Variants in PLD5 observed in about 807,000 individuals in gnomAD.
PLD5 encodes the protein phospholipase D family member 5.
PLD5 carries 36 observed loss-of-function variants against 61.1 expected under a neutral mutation model. The observed-to-expected ratio is 0.59, with a 90% CI of 0.45 to 0.78. The LOEUF (loss-of-function observed/expected upper bound fraction) is 0.78. Ranked by LOEUF, PLD5 falls within the 30% of genes least tolerant of loss-of-function variation. The pLI, the probability that PLD5 is intolerant of heterozygous loss-of-function variation, is 0.00. For synonymous variants in PLD5, 243 were observed against 242.8 expected (o/e 1.00, Z -0.01); for missense variants, 515 against 644.4 (o/e 0.80, Z 2.17).
intron 1 of PLD5, among the ~76,000 whole-genome samples, chr1:242,517,617 T>A (rs2654900): frequency 0.38 from 57,119 of 151,998 alleles, 10,962 homozygotes; most frequent in African/African-American, 0.41. Context: ...CTAAACAACC[T>A]GTCCCTTGAA....
intron 2 of PLD5, among the ~76,000 whole-genome samples, chr1:242,314,008 A>T (rs12134097): frequency 0.059 from 9,052 of 152,208 alleles, 322 homozygotes; most frequent in Middle Eastern, 0.1. Flanking sequence ...CTTAGTGGTC[A>T]CTTTAGTGGT....
intron 1 of PLD5, among the ~76,000 whole-genome samples, chr1:242,446,677 A>G (rs771162152): frequency 3.9e-5 from 6 of 152,224 alleles, no homozygotes; most frequent in Non-Finnish European, 8.8e-5. Flanking sequence ...TTTAAGGGAA[A>G]TTGGTCAGAG....
At chr1:242,107,096 G>A (rs560529345) in intron 8 of PLD5, among the ~76,000 whole-genome samples, 7 of 152,286 alleles carry the variant, frequency 4.6e-5, no homozygotes, top group African/African-American at 1.7e-4. Context: ...CATCTGGGCG[G>A]GGGGTCTGTG....
At chr1:242,526,380 G>A (rs1669447467), upstream of PLD5, among the ~76,000 whole-genome samples, 2 of 152,170 alleles carry the variant, frequency 1.3e-5, no homozygotes, top group Admixed American at 6.5e-5. Flanking sequence ...CCTGTCGGAG[G>A]TGAGGCTGTG....
chr1:242,226,274 T>A (rs1670935749), intron 4 of PLD5, among the ~76,000 whole-genome samples: 1 of 152,312 alleles, frequency 6.6e-6, no homozygotes, highest in African/African-American at 2.4e-5. Flanking sequence ...TCTCCGGATG[T>A]CAACCGAGAG....
chr1:242,208,285 T>C (rs1669574062), intron 5 of PLD5, among the ~76,000 whole-genome samples: 1 of 152,106 alleles, frequency 6.6e-6, no homozygotes, highest in African/African-American at 2.4e-5. Context: ...ATCTTCTCTC[T>C]GTGACCCTCA....
At chr1:242,174,793 A>T (rs316880) in intron 5 of PLD5, among the ~76,000 whole-genome samples, 1 of 151,064 alleles carries the variant, frequency 6.6e-6, no homozygotes, top group East Asian at 2.0e-4. Flanking sequence ...GCAAACTATC[A>T]CAAGGACAAA....
chr1:242,394,906 GAA>G (rs1212748392), intron 1 of PLD5, among the ~76,000 whole-genome samples: 1 of 129,160 alleles, frequency 7.7e-6, no homozygotes, highest in African/African-American at 2.9e-5. Context: ...GATTATATAT[GAA>G]TATATATGTA....
chr1:242,324,804 A>G (rs1193702619), intron 2 of PLD5, among the ~76,000 whole-genome samples: 2 of 152,158 alleles, frequency 1.3e-5, no homozygotes, highest in Admixed American at 1.3e-4. Flanking sequence ...GGCCCCACCC[A>G]GACCAGTTAA....
At chr1:242,165,393 T>C (rs1050962079) in intron 5 of PLD5, among the ~76,000 whole-genome samples, 8 of 151,186 alleles carry the variant, frequency 5.3e-5, no homozygotes, top group African/African-American at 1.9e-4. Context: ...TTATGGGAAA[T>C]TTAAAAAAGA....
intron 2 of PLD5, among the ~76,000 whole-genome samples, chr1:242,309,370 T>C (rs1174679270): frequency 2.7e-5 from 4 of 148,326 alleles, no homozygotes; most frequent in African/African-American, 7.4e-5. Flanking sequence ...AATCTTGATG[T>C]AGACTAAGTT....
chr1:242,098,493 CATGGGTTCGAACTTCCT>C (rs961581171), intron 9 of PLD5, among the ~76,000 whole-genome samples: 2 of 152,174 alleles, frequency 1.3e-5, no homozygotes, highest in African/African-American at 2.4e-5. Context: ...ACTCCTTTGC[CATGGGTTCGAACTTCCT>C]ACTTTAGCTT....
chr1:242,412,567 G>A (rs929393490), intron 1 of PLD5, among the ~76,000 whole-genome samples: 10 of 152,112 alleles, frequency 6.6e-5, no homozygotes, highest in Non-Finnish European at 1.0e-4. Flanking sequence ...ATATGAAATC[G>A]TACAGTACGT....
chr1:242,476,897 G>T (rs1667613284), intron 1 of PLD5, among the ~76,000 whole-genome samples: 1 of 152,160 alleles, frequency 6.6e-6, no homozygotes, highest in Non-Finnish European at 1.5e-5. Flanking sequence ...TGTGGGAAGA[G>T]CCACAGAAGA....
intron 5 of PLD5, among the ~76,000 whole-genome samples, chr1:242,173,216 C>T (rs942165153): frequency 2.0e-5 from 3 of 152,142 alleles, no homozygotes; most frequent in Non-Finnish European, 4.4e-5. Context: ...TCTCAGGATA[C>T]AAAATCAAGG....
intron 5 of PLD5, among the ~76,000 whole-genome samples, chr1:242,140,499 T>C (rs1313641848): frequency 6.6e-6 from 1 of 152,088 alleles, no homozygotes; most frequent in Non-Finnish European, 1.5e-5. Context: ...TAGCCAGGCA[T>C]GGTGGCATGT....
chr1:242,432,573 C>G (rs1445943401), intron 1 of PLD5, among the ~76,000 whole-genome samples: 1 of 152,172 alleles, frequency 6.6e-6, no homozygotes, highest in African/African-American at 2.4e-5. Flanking sequence ...AGACCTTTAT[C>G]CACAAGACAC....
At chr1:242,361,299 T>C (rs1661051079) in intron 1 of PLD5, among the ~76,000 whole-genome samples, 1 of 152,182 alleles carries the variant, frequency 6.6e-6, no homozygotes, top group Admixed American at 6.5e-5. Flanking sequence ...CAATGTACTA[T>C]AACAATATAA....
chr1:242,467,104 TCA>T (rs1294279422), intron 1 of PLD5, among the ~76,000 whole-genome samples: 1 of 152,186 alleles, frequency 6.6e-6, no homozygotes, highest in Non-Finnish European at 1.5e-5. Flanking sequence ...TTAAATGTCC[TCA>T]CCATAAAAAA....
Sources: gnomAD v4.1 joint callset for allele counts (sites outside exome capture counted in the v4.1 genomes callset) on GRCh38, gnomAD v4.1.1 for gene constraint, MANE v1.5 for transcripts, NCBI Gene and HGNC (gene_info 2026-07-23, HGNC 2026-07-21) for gene names.